SPRR2G: variants seen among roughly 807,000 people sequenced by gnomAD.
The protein encoded by SPRR2G is small proline-rich protein 2G.
Under a neutral mutation model 0.7 loss-of-function variants are expected in SPRR2G, and 1 was observed. The ratio of observed to expected loss-of-function variants is 1.49; its 90% CI spans 0.53 to 7.06. The LOEUF (loss-of-function observed/expected upper bound fraction) is 7.06. SPRR2G is among the 30% of genes most tolerant of loss of function. The pLI, the probability that SPRR2G is intolerant of heterozygous loss-of-function variation, is 0.14. For synonymous variants in SPRR2G, 38 were observed against 33.9 expected (o/e 1.12, Z -0.42); for missense variants, 96 against 88.5 (o/e 1.09, Z -0.34).
At chr1:153,156,666 A>G in the SPRR2G span, among the ~76,000 whole-genome samples, 2 of 152,112 alleles carry the variant, frequency 1.3e-5, no homozygotes, top group African/African-American at 4.8e-5. Flanking sequence ...GTTGAACCAG[A>G]TAATGGATAA....
the SPRR2G span, among the ~76,000 whole-genome samples, chr1:153,164,474 T>C: frequency 6.6e-6 from 1 of 152,182 alleles, no homozygotes; most frequent in Non-Finnish European, 1.5e-5. Context: ...AGGAAGTAAG[T>C]GGCTCTGTTA....
chr1:153,150,820 G>T (rs1656451139), intron 1 of SPRR2G, 32 bp downstream of exon 1: 1 of 152,970 alleles, frequency 6.5e-6, no homozygotes, highest in Non-Finnish European at 1.5e-5. Flanking sequence ...CACCATCCAA[G>T]TGCAAGAAAA....
the SPRR2G span, among the ~76,000 whole-genome samples, chr1:153,177,868 CA>C: frequency 3.8e-4 from 54 of 142,056 alleles, no homozygotes; most frequent in Middle Eastern, 3.5e-3. Flanking sequence ...TTAAGTCCTC[CA>C]AAAAAAAAAG....
the SPRR2G span, among the ~76,000 whole-genome samples, chr1:153,188,702 A>G: frequency 6.6e-6 from 1 of 152,004 alleles, no homozygotes; most frequent in Non-Finnish European, 1.5e-5. Context: ...TCACTGGGGC[A>G]CCAGGCACCA....
At chr1:153,199,183 T>C in the SPRR2G span, among the ~76,000 whole-genome samples, 1 of 152,176 alleles carries the variant, frequency 6.6e-6, no homozygotes, top group Non-Finnish European at 1.5e-5. Context: ...GGGGAGGATG[T>C]ATATCTGGTT....
the SPRR2G span, among the ~76,000 whole-genome samples, chr1:153,171,438 C>T: frequency 6.6e-6 from 1 of 152,222 alleles, no homozygotes; most frequent in African/African-American, 2.4e-5. Flanking sequence ...ATTCATTCAT[C>T]AGACTGACAT....
chr1:153,200,150 A>G, the SPRR2G span, among the ~76,000 whole-genome samples: 1 of 152,204 alleles, frequency 6.6e-6, no homozygotes, highest in African/African-American at 2.4e-5. Flanking sequence ...TCTTTTATCA[A>G]TAACATTGAT....
chr1:153,155,807 T>C (rs1394649502), upstream of SPRR2G, among the ~76,000 whole-genome samples: 1 of 152,210 alleles, frequency 6.6e-6, no homozygotes, highest in East Asian at 1.9e-4. Context: ...ATTATTATTG[T>C]TTTACCGGGT....
the SPRR2G span, among the ~76,000 whole-genome samples, chr1:153,197,281 C>A: frequency 2.6e-5 from 4 of 151,822 alleles, no homozygotes; most frequent in Non-Finnish European, 4.4e-5. Flanking sequence ...TGCTTGGGAG[C>A]CTGGATCAGA....
At chr1:153,171,381 T>C in the SPRR2G span, among the ~76,000 whole-genome samples, 1 of 152,208 alleles carries the variant, frequency 6.6e-6, no homozygotes, top group Non-Finnish European at 1.5e-5. Context: ...ATTCTTGGAC[T>C]ACAGGAGCCT....
At chr1:153,153,206 T>C (rs1656509814), upstream of SPRR2G, among the ~76,000 whole-genome samples, 1 of 152,168 alleles carries the variant, frequency 6.6e-6, no homozygotes, top group Non-Finnish European at 1.5e-5. Context: ...CATTTTCTTC[T>C]CTTTTGAATT....
the SPRR2G span, among the ~76,000 whole-genome samples, chr1:153,197,176 G>A: frequency 1.1e-4 from 14 of 124,592 alleles, no homozygotes; most frequent in Admixed American, 1.1e-3. Context: ...GTGTGTGTGT[G>A]TGTATGTTGG....
the SPRR2G span, among the ~76,000 whole-genome samples, chr1:153,164,727 C>T: frequency 6.6e-6 from 1 of 152,190 alleles, no homozygotes; most frequent in Non-Finnish European, 1.5e-5. Flanking sequence ...CAGCATAGAA[C>T]TCTGCACACT....
the SPRR2G span, among the ~76,000 whole-genome samples, chr1:153,198,240 C>T: frequency 6.6e-6 from 1 of 152,178 alleles, no homozygotes; most frequent in Non-Finnish European, 1.5e-5. Context: ...ACCCCAGAAT[C>T]TACGGTAAAA....
chr1:153,175,293 C>G, the SPRR2G span, among the ~76,000 whole-genome samples: 1 of 152,196 alleles, frequency 6.6e-6, no homozygotes, highest in Non-Finnish European at 1.5e-5. Flanking sequence ...GTTGTGTTAT[C>G]CTGCCTGCTG....
upstream of SPRR2G, among the ~76,000 whole-genome samples, chr1:153,154,400 T>A (rs1656539982): frequency 6.6e-6 from 1 of 152,088 alleles, no homozygotes; most frequent in Admixed American, 6.5e-5. Context: ...CTCCTCAATT[T>A]TTGGAAAAGT....
chr1:153,168,899 A>AGTGTGTGTGT, the SPRR2G span, among the ~76,000 whole-genome samples: 45 of 90,968 alleles, frequency 4.9e-4, no homozygotes, highest in African/African-American at 1.8e-3. Context: ...TGTACTCATG[A>AGTGTGTGTGT]GTGTATGTGT....
the SPRR2G span, among the ~76,000 whole-genome samples, chr1:153,170,476 G>A: frequency 1.3e-5 from 2 of 152,038 alleles, no homozygotes; most frequent in Non-Finnish European, 2.9e-5. Context: ...AACAGCGTAT[G>A]GCAATGAAAA....
the SPRR2G span, among the ~76,000 whole-genome samples, chr1:153,174,280 A>G: frequency 6.6e-6 from 1 of 152,240 alleles, no homozygotes; most frequent in Non-Finnish European, 1.5e-5. Context: ...ATTACAAACA[A>G]CAAAAGCTCA....
Sources: allele counts gnomAD v4.1 joint callset (sites outside exome capture counted in the v4.1 genomes callset), GRCh38; gene constraint gnomAD v4.1.1; transcripts MANE v1.5; gene names NCBI Gene and HGNC (gene_info 2026-07-23, HGNC 2026-07-21).